Variants in WNT1 observed in about 807,000 individuals in gnomAD.
WNT1 encodes the protein Wnt family member 1, also known as proto-oncogene Wnt-1.
WNT1 carries 10 observed loss-of-function variants against 21.3 expected under a neutral mutation model. That is an observed-to-expected ratio of 0.47 (90% CI 0.29 to 0.80). WNT1 has a LOEUF of 0.80. Among genes scored for constraint, WNT1 ranks in the 30% least tolerant of loss-of-function variants. The probability of loss-of-function intolerance (pLI) is 0.09; values close to 1 mark genes in which losing one functional copy is unlikely to be tolerated. For missense variants in WNT1, 476 were observed against 534.1 expected, an observed-to-expected ratio of 0.89 and a Z score of 1.07; for synonymous variants, 208 against 236.3, an observed-to-expected ratio of 0.88 and a Z score of 1.10.
chr12:48,979,733 G>A lies in WNT1; in HGVS notation c.358+12G>A. 6.4e-7 allele frequency: 1 copy of A among 1,573,472 alleles called. No individual in the cohort carries two copies. The highest frequency in any genetic ancestry group is 1.1e-5 in the South Asian group (1 of 87,170). On this transcript the variant is annotated intron_variant, in intron 2 of 3. Coordinates refer to ENST00000293549, the MANE Select transcript of WNT1 (RefSeq NM_005430.4). The surrounding 1 kb of genome is among the most constrained non-coding windows in gnomAD (Gnocchi z 6.0). ...GATCGTCAACCGAGGTGGGTGCCCA[G>A]GAAGGCGACGCTTCCGGGAGCAGGG...
chr12:48,981,289 G>A lies in WNT1; in HGVS notation c.762G>A (p.Ser254=). 1.3e-6 allele frequency: 2 copies of A among 1,594,722 alleles called. No individual in the cohort carries two copies. Among genetic ancestry groups the A allele is most frequent in the Non-Finnish European group, 1.7e-6 (2 of 1,171,176 alleles). ...TGCGCGACCGCTTCGACGGCGCCTC[G>A]CGCGTCCTGTACGGCAACCGCGGCA... ...DVLRDRFDGA[S]RVLYGNRGSN... Residue 254 remains serine, a synonymous_variant, in exon 4 of 4, where the codon TCG becomes TCA. Transcript: ENST00000293549. This position sits in a 1 kb window ranked among gnomAD's most constrained non-coding sequence, Gnocchi z 7.4.
Position 48,981,295 on chromosome 12 carries a change from C to T in WNT1, c.768C>T (p.Val256=), listed in dbSNP as rs1035105531. 3 of 1,591,516 alleles carry T rather than the reference C, an allele frequency of 1.9e-6. No individual in the cohort carries two copies. In the African/African-American group the frequency reaches 4.1e-5, roughly 22 times the overall value. Residue 256 remains valine (V), a synonymous_variant, in exon 4 of 4, where the codon GTC becomes GTT. Transcript: ENST00000293549. The surrounding 1 kb of genome is among the most constrained non-coding windows in gnomAD (Gnocchi z 7.4). ...LRDRFDGASR[V]LYGNRGSNRA... is the part of the protein sequence containing the mutation. ...ACCGCTTCGACGGCGCCTCGCGCGT[C>T]CTGTACGGCAACCGCGGCAGCAACC... is the stretch of plus-strand genomic sequence containing the variant.
Position 48,981,756 on chromosome 12 carries a change from G to C in WNT1, c.*116G>C. On this transcript the variant is annotated 3_prime_UTR_variant, in exon 4 of 4. Transcript: ENST00000293549. This position sits in a 1 kb window ranked among gnomAD's most constrained non-coding sequence, Gnocchi z 7.4. The stretch of plus-strand genomic sequence containing the variant: ...CCGAGTACCTCCAGTCACACTCCCC[G>C]CGGTTCATACGCATCCCATCTCTCC... The C allele has an allele frequency of 1.5e-6, 2 of 1,345,610 alleles. No homozygotes were observed. The highest frequency in any genetic ancestry group is 1.9e-6 in the Non-Finnish European group (2 of 1,035,722). 83.4% of individuals were successfully genotyped at this position (1,345,610 alleles called of 1,614,324 possible).
At position 48,978,555 on chromosome 12, in the gene WNT1, C is replaced by A; in HGVS notation, c.-96C>A. The A allele has an allele frequency of 1.1e-6, 1 of 886,774 alleles. No homozygotes were observed. The highest frequency in any genetic ancestry group is 1.5e-5 in the South Asian group (1 of 68,734). 54.9% of individuals were successfully genotyped at this position (886,774 alleles called of 1,614,324 possible). On this transcript the variant is annotated 5_prime_UTR_variant, in exon 1 of 4. Transcript: ENST00000293549. This position sits in a 1 kb window ranked among gnomAD's most constrained non-coding sequence, Gnocchi z 7.4. ...TTGTTAAAGCCAGACTGCGAACTCTCGCCACTGCCGCCACCGCCGCGTCCC... is the reference window on the plus strand; with the variant it reads ...TTGTTAAAGCCAGACTGCGAACTCTAGCCACTGCCGCCACCGCCGCGTCCC...
chr12:48,978,773 G>T lies in WNT1; in HGVS notation c.104+19G>T. 1 of 1,549,244 alleles carries T rather than the reference G, an allele frequency of 6.5e-7. No homozygotes were observed. Among genetic ancestry groups the T allele is most frequent in the Non-Finnish European group, 8.8e-7 (1 of 1,139,718 alleles). On this transcript the variant is annotated intron_variant, in intron 1 of 3. Transcript: ENST00000293549. This position sits in a 1 kb window ranked among gnomAD's most constrained non-coding sequence, Gnocchi z 7.4. ...GATGGTGGTAAGTGAGCTGGTGCGG[G>T]GTCGCCACTTGTCCCGCGGCACAGA...
rs1369731973 is a variant in WNT1 at position 48,979,443 on chromosome 12, C to A, written c.105-25C>A. The A allele has an allele frequency of 3.8e-6, 6 of 1,581,450 alleles. No individual in the cohort carries two copies. The highest frequency in any genetic ancestry group is 3.5e-6 in the Non-Finnish European group (4 of 1,157,408). ...TTAGGGTGCGGATCCCCTTCCTGAG[C>A]CTGAGCTATCATACGTCCCACCAGG... On this transcript the variant is annotated intron_variant, in intron 1 of 3. Transcript: ENST00000293549. The surrounding 1 kb of genome is among the most constrained non-coding windows in gnomAD (Gnocchi z 6.0).
At position 48,978,985 on chromosome 12, in the gene WNT1, C is replaced by T; in HGVS notation, c.104+231C>T. ...GCCTAAGATACCCCAGGCAGGGAGC[C>T]CACTCTCATCTAGCACCGCCCTTCC... On this transcript the variant is annotated intron_variant, in intron 1 of 3. Transcript: ENST00000293549. This position sits in a 1 kb window ranked among gnomAD's most constrained non-coding sequence, Gnocchi z 7.4. 6.6e-6 allele frequency among the ~76,000 whole-genome samples: 1 copy of T among 152,214 alleles called. No individual in the cohort carries two copies. Among genetic ancestry groups the T allele is most frequent in the East Asian group, 1.9e-4 (1 of 5,200 alleles).
chr12:48,981,269 G>C lies in WNT1; in HGVS notation c.742G>C (p.Asp248His), dbSNP rs770395931. 1 of 1,604,270 alleles carries C rather than the reference G, an allele frequency of 6.2e-7. No individual in the cohort carries two copies. The highest frequency in any genetic ancestry group is 1.1e-5 in the South Asian group (1 of 90,360). ...TLRAVGDVLR[D>H]RFDGASRVLY... is the part of the protein sequence containing the mutation. ...GCGCGCCGTGGGCGATGTGCTGCGC[G>C]ACCGCTTCGACGGCGCCTCGCGCGT... The change falls in exon 4 of 4, where the codon GAC (aspartate) becomes CAC (histidine). Residue 248 changes from aspartate to histidine, a missense_variant. Physicochemically the swap from Asp to His is moderately conservative, Grantham distance 81 (BLOSUM62 -1). Transcript: ENST00000293549. The surrounding 1 kb of genome is among the most constrained non-coding windows in gnomAD (Gnocchi z 7.4).
Position 48,980,519 on chromosome 12 carries a change from A to T in WNT1, c.454A>T (p.Thr152Ser), listed in dbSNP as rs754635430. The T allele has an allele frequency of 6.2e-7, 1 of 1,614,090 alleles. No individual in the cohort carries two copies. Among genetic ancestry groups the T allele is most frequent in the Non-Finnish European group, 8.5e-7 (1 of 1,179,968 alleles). The change falls in exon 3 of 4, where the codon ACG becomes TCG. Residue 152 changes from threonine (T) to serine (S), a missense_variant. Transcript: ENST00000293549. The surrounding 1 kb of genome is among the most constrained non-coding windows in gnomAD (Gnocchi z 7.0). ...CTCAGAAGGTTCCATCGAATCCTGC[A>T]CGTGTGACTACCGGCGGCGCGGCCC... ...SCSEGSIESCTCDYRRRGPGG... is the reference protein window; with the variant it reads ...SCSEGSIESCSCDYRRRGPGG...
Position 48,981,776 on chromosome 12 carries a change from C to T in WNT1, c.*136C>T. 4 of 1,229,306 alleles carry T rather than the reference C, an allele frequency of 3.3e-6. No homozygotes were observed. The South Asian group carries it at 5.2e-5, about 16-fold the overall frequency. The allele number at this position is 1,229,306 out of a possible 1,614,324, so 76.1% of individuals were successfully genotyped here. Reference sequence around the variant, plus strand: ...TCCCCGCGGTTCATACGCATCCCATCTCTCCCACTTCCTCCTACCTGGGGA... The same window carrying T: ...TCCCCGCGGTTCATACGCATCCCATTTCTCCCACTTCCTCCTACCTGGGGA... On this transcript the variant is annotated 3_prime_UTR_variant, in exon 4 of 4. Transcript: ENST00000293549. This position sits in a 1 kb window ranked among gnomAD's most constrained non-coding sequence, Gnocchi z 7.4.
rs1940976238 is a variant in WNT1, at chr12:48,979,136, C to T, written c.105-332C>T. The stretch of plus-strand genomic sequence containing the variant: ...GAGGGTGGGACTCCTAAGCATTTCA[C>T]GCCTTGGGTGGGCAAGAACTGCAGG... On this transcript the variant is annotated intron_variant, in intron 1 of 3. Transcript: ENST00000293549. This position sits in a 1 kb window ranked among gnomAD's most constrained non-coding sequence, Gnocchi z 6.0. Among the ~76,000 whole-genome samples the T allele has an allele frequency of 6.6e-6, 1 of 152,222 alleles. No homozygotes were observed. The highest frequency in any genetic ancestry group is 2.1e-4 in the South Asian group (1 of 4,834).
chr12:48,980,410 C>A lies in WNT1; in HGVS notation c.359-14C>A, dbSNP rs773243975. 1 of 1,614,182 alleles carries A rather than the reference C, an allele frequency of 6.2e-7. No individual in the cohort carries two copies. Among genetic ancestry groups the A allele is most frequent in the Admixed American group, 1.7e-5 (1 of 60,032 alleles). On this transcript the variant is annotated splice_polypyrimidine_tract_variant and intron_variant, in intron 2 of 3. Coordinates refer to ENST00000293549, the MANE Select transcript of WNT1 (RefSeq NM_005430.4). The surrounding 1 kb of genome is among the most constrained non-coding windows in gnomAD (Gnocchi z 7.0). ...GCGTACCCCCTCGCTGATCCCCGCT[C>A]CCTTCTCCCACAGGCTGTCGAGAAA...
At position 48,980,573 on chromosome 12, in the gene WNT1, T is replaced by G. The variant is rs766842076; in HGVS notation, c.508T>G (p.Cys170Gly). ...PGGPDWHWGG[C>G]SDNIDFGRLF... is the part of the protein sequence containing the mutation. ...GGGCCCCGACTGGCACTGGGGGGGC[T>G]GCAGCGACAACATTGACTTCGGCCG... is the stretch of plus-strand genomic sequence containing the variant. The change falls in exon 3 of 4, where the codon TGC (cysteine) becomes GGC (glycine). Residue 170 changes from cysteine (C) to glycine (G), a missense_variant. By Grantham distance (159) the Cys-to-Gly change is radical (BLOSUM62 -3). Transcript: ENST00000293549. This position sits in a 1 kb window ranked among gnomAD's most constrained non-coding sequence, Gnocchi z 7.0. 1 of 1,609,242 alleles carries G rather than the reference T, an allele frequency of 6.2e-7. No individual in the cohort carries two copies. The highest frequency in any genetic ancestry group is 1.1e-5 in the South Asian group (1 of 90,666).
In WNT1 at chr12:48,981,576, A is replaced by G; in HGVS notation, c.1049A>G (p.His350Arg). 2.0e-6 allele frequency: 3 copies of G among 1,516,118 alleles called. No individual in the cohort carries two copies. The highest frequency in any genetic ancestry group is 2.6e-6 in the Non-Finnish European group (3 of 1,133,934). 93.9% of individuals were successfully genotyped at this position (1,516,118 alleles called of 1,614,324 possible). A position where few individuals can be genotyped will look rare whatever the true frequency, so the allele number is the denominator to read the frequency against. The change falls in exon 4 of 4, where the codon CAC becomes CGC. Residue 350 changes from histidine (H) to arginine (R), a missense_variant. Physicochemically the swap from His to Arg is conservative, Grantham distance 29. Coordinates refer to ENST00000293549, the MANE Select transcript of WNT1 (RefSeq NM_005430.4). The surrounding 1 kb of genome is among the most constrained non-coding windows in gnomAD (Gnocchi z 7.4). ...ACCGAGCGCTGCAACTGCACCTTCC[A>G]CTGGTGCTGCCACGTCAGCTGCCGC... ...RVTERCNCTF[H>R]WCCHVSCRNC... is the part of the protein sequence containing the mutation.
rs1384414006 is a variant in WNT1, at chr12:48,982,388, G to T, written c.*748G>T. On this transcript the variant is annotated 3_prime_UTR_variant, in exon 4 of 4. Coordinates refer to ENST00000293549, the MANE Select transcript of WNT1 (RefSeq NM_005430.4). Reference sequence around the variant, plus strand: ...TGTTGTAAATAAAACTATTTATTGTGCTGGGTCCCAGCCTGGTTTGCAAAG... The same window carrying T: ...TGTTGTAAATAAAACTATTTATTGTTCTGGGTCCCAGCCTGGTTTGCAAAG... Among the ~76,000 whole-genome samples the T allele has an allele frequency of 6.6e-6, 1 of 152,112 alleles. No homozygotes were observed. Among genetic ancestry groups the T allele is most frequent in the Non-Finnish European group, 1.5e-5 (1 of 68,018 alleles).
chr12:48,980,296 C>T lies in WNT1; in HGVS notation c.359-128C>T, dbSNP rs1940992631. ...AGCCCTAGAGACCAGCTTTCCAGCA[C>T]TGCCGGCCCTGGCTCTCAGGACTCA... On this transcript the variant is annotated intron_variant, in intron 2 of 3. Transcript: ENST00000293549. This position sits in a 1 kb window ranked among gnomAD's most constrained non-coding sequence, Gnocchi z 7.0. The T allele has an allele frequency of 2.7e-6, 3 of 1,107,558 alleles. No homozygotes were observed. Among genetic ancestry groups the T allele is most frequent in the African/African-American group, 1.6e-5 (1 of 64,224 alleles). The allele number at this position is 1,107,558 out of a possible 1,614,324, so 68.6% of individuals were successfully genotyped here.
In WNT1 at chr12:48,978,732, G is replaced by A; in HGVS notation, c.82G>A (p.Ala28Thr). 2 of 1,602,228 alleles carry A rather than the reference G, an allele frequency of 1.2e-6. No individual in the cohort carries two copies. The highest frequency in any genetic ancestry group is 1.3e-5 in the African/African-American group (1 of 74,738). Residue 28 changes from alanine (A) to threonine (T), a missense_variant, in exon 1 of 4, where the codon GCC (alanine) becomes ACC (threonine). By Grantham distance (58) the Ala-to-Thr change is moderately conservative. Transcript: ENST00000293549. This position sits in a 1 kb window ranked among gnomAD's most constrained non-coding sequence, Gnocchi z 7.4. Reference sequence around the variant, plus strand: ...GGCCGCTCTGCCCGCAGCCCTGGCTGCCAACAGCAGTGGCCGATGGTGGTA... The same window carrying A: ...GGCCGCTCTGCCCGCAGCCCTGGCTACCAACAGCAGTGGCCGATGGTGGTA... ...ALAALPAALA[A>T]NSSGRWWGIV...
Position 48,982,051 on chromosome 12 carries a change from C to T in WNT1, c.*411C>T, listed in dbSNP as rs1219832782. On this transcript the variant is annotated 3_prime_UTR_variant, in exon 4 of 4. Transcript: ENST00000293549. Reference sequence around the variant, plus strand: ...CCTTTGTCCTGCGTTTTCTCCGGGTCCTCCTAAGTCCCTTCCTATTCTCCT... The same window carrying T: ...CCTTTGTCCTGCGTTTTCTCCGGGTTCTCCTAAGTCCCTTCCTATTCTCCT... 2.0e-5 allele frequency among the ~76,000 whole-genome samples: 3 copies of T among 152,212 alleles called. No individual in the cohort carries two copies. Among genetic ancestry groups the T allele is most frequent in the Non-Finnish European group, 2.9e-5 (2 of 68,042 alleles).
Position 48,979,769 on chromosome 12 carries a change from G to A in WNT1, c.358+48G>A. On this transcript the variant is annotated intron_variant, in intron 2 of 3. Coordinates refer to ENST00000293549, the MANE Select transcript of WNT1 (RefSeq NM_005430.4). This position sits in a 1 kb window ranked among gnomAD's most constrained non-coding sequence, Gnocchi z 6.0. ...CTTCCGGGAGCAGGGGAAACGCGGG[G>A]TCACCCCCAGGGCATGGGCGGGCGA... 1 of 1,535,024 alleles carries A rather than the reference G, an allele frequency of 6.5e-7. No individual in the cohort carries two copies. The highest frequency in any genetic ancestry group is 8.8e-7 in the Non-Finnish European group (1 of 1,141,480).
Sources: gnomAD v4.1 joint callset for allele counts (sites outside exome capture counted in the v4.1 genomes callset) on GRCh38, gnomAD v4.1.1 for gene constraint, Gnocchi (gnomAD v3.1) non-coding constraint, MANE v1.5 for transcripts, NCBI Gene and HGNC (gene_info 2026-07-23, HGNC 2026-07-21) for gene names.